Variants in SHPRH observed in about 807,000 individuals in gnomAD.
SHPRH encodes the protein SNF2 histone linker PHD RING helicase.
In SHPRH, 106 loss-of-function variants were observed where a neutral mutation model predicts 202.5. The observed-to-expected ratio is 0.52, with a 90% CI of 0.45 to 0.62. SHPRH has a LOEUF of 0.62. Ranked by LOEUF, SHPRH falls within the 20% of genes least tolerant of loss-of-function variation. The pLI is 0.00. For synonymous variants in SHPRH, 729 were observed against 686.0 expected, an observed-to-expected ratio of 1.06 and a Z score of -0.98; for missense variants, 1,710 against 2,020.0, an observed-to-expected ratio of 0.85 and a Z score of 2.94.
chr6:145,923,513 G>C, intron 18 of SHPRH, 130 bp downstream of exon 18: 1 of 1,123,762 alleles, frequency 8.9e-7, no homozygotes, highest in Non-Finnish European at 1.2e-6. Context: ...AAAGAAGTAT[G>C]AATGTGTCTG....
chr6:145,925,727 C>G (rs895796547), intron 16 of SHPRH, among the ~76,000 whole-genome samples: 13 of 152,030 alleles, frequency 8.6e-5, no homozygotes, highest in African/African-American at 3.1e-4. Context: ...TATAATATCA[C>G]TCTTTTCGAT....
At chr6:145,918,298 G>A in intron 22 of SHPRH, 66 bp from the exon 23 acceptor site, 1 of 1,014,322 alleles carries the variant, frequency 9.9e-7, no homozygotes, top group Non-Finnish European at 1.4e-6. Flanking sequence ...TATTAAATAT[G>A]GACAATTCTC....
chr6:145,927,935 G>A (rs1006896119), intron 14 of SHPRH, among the ~76,000 whole-genome samples: 3 of 151,740 alleles, frequency 2.0e-5, no homozygotes, highest in Non-Finnish European at 2.9e-5. Context: ...AAAAAGTATC[G>A]ATTAAAGCAC....
At chr6:145,878,540 T>G (rs749331349) in intron 2 of SHPRH, among the ~76,000 whole-genome samples, 4 of 152,250 alleles carry the variant, frequency 2.6e-5, no homozygotes, top group Non-Finnish European at 4.4e-5. Context: ...ATGTGCTTAT[T>G]GGTCACTTAC....
At chr6:145,876,412 TATAAAC>T (rs1244538632) in intron 2 of SHPRH, among the ~76,000 whole-genome samples, 5 of 152,196 alleles carry the variant, frequency 3.3e-5, no homozygotes, top group Non-Finnish European at 2.9e-5. Context: ...AGACATTTCT[TATAAAC>T]AGAAATATAC....
chr6:145,888,178 C>T (rs1166727685), intron 28 of SHPRH, 78 bp from the exon 29 acceptor site: 3 of 1,024,872 alleles, frequency 2.9e-6, no homozygotes, highest in African/African-American at 3.2e-5. Context: ...ATTTTATATG[C>T]TATATTCATC....
At chr6:145,933,924 C>A (rs555108777) in intron 13 of SHPRH, among the ~76,000 whole-genome samples, 41 of 152,218 alleles carry the variant, frequency 2.7e-4, no homozygotes, top group Non-Finnish European at 4.6e-4. Context: ...TAATCTAACT[C>A]CCTGATGTGG....
intron 11 of SHPRH, among the ~76,000 whole-genome samples, chr6:145,940,320 A>G (rs1786620535): frequency 6.6e-6 from 1 of 152,050 alleles, no homozygotes. Context: ...ATTTTCATAG[A>G]CACAGTTAAT....
chr6:145,860,926 G>A (rs1009480075), downstream of SHPRH, among the ~76,000 whole-genome samples: 15 of 152,126 alleles, frequency 9.9e-5, no homozygotes, highest in South Asian at 4.1e-4. Flanking sequence ...AAATGGTGTC[G>A]GGAAAATTGA....
At chr6:145,938,140 G>A (rs1029451026) in intron 11 of SHPRH, among the ~76,000 whole-genome samples, 3 of 152,084 alleles carry the variant, frequency 2.0e-5, no homozygotes, top group Non-Finnish European at 2.9e-5. Context: ...AATATTAGGA[G>A]GTGGGGCCTA....
chr6:145,865,121 G>C (rs1779720011), intron 2 of SHPRH, among the ~76,000 whole-genome samples: 1 of 152,236 alleles, frequency 6.6e-6, no homozygotes, highest in South Asian at 2.1e-4. Flanking sequence ...CAGGTACCTG[G>C]CTTAAGCCTG....
At chr6:145,949,438 A>C (rs1485969943) in intron 4 of SHPRH, among the ~76,000 whole-genome samples, 1 of 152,102 alleles carries the variant, frequency 6.6e-6, no homozygotes, top group Non-Finnish European at 1.5e-5. Flanking sequence ...CTTTTGCAGC[A>C]ACTTGCATGA....
At chr6:145,913,895 A>G (rs921624743) in intron 23 of SHPRH, among the ~76,000 whole-genome samples, 42 of 152,138 alleles carry the variant, frequency 2.8e-4, no homozygotes, top group Non-Finnish European at 5.0e-4. Context: ...TTCAGGTAAC[A>G]GATTTTCAGA....
intron 9 of SHPRH, 85 bp downstream of exon 9, chr6:145,943,058 C>G: frequency 6.9e-7 from 1 of 1,451,154 alleles, no homozygotes; most frequent in Non-Finnish European, 9.3e-7. Context: ...TGAGGATAAA[C>G]CACAAAGAAA....
At chr6:145,947,667 C>T (rs1285925755) in intron 5 of SHPRH, 24 bp from the exon 6 acceptor site, 3 of 1,610,702 alleles carry the variant, frequency 1.9e-6, no homozygotes, top group East Asian at 2.2e-5. Context: ...CAAGATAAAT[C>T]ACATCATAGG....
chr6:145,941,573 C>T, intron 10 of SHPRH, 50 bp downstream of exon 10: 1 of 1,602,386 alleles, frequency 6.2e-7, no homozygotes, highest in South Asian at 1.1e-5. Flanking sequence ...CCCCTAATTC[C>T]TTTTCACCCT....
In SHPRH at chr6:145,894,993, C is replaced by T. The variant is rs570676461; in HGVS notation, c.4516-16G>A. The T allele has an allele frequency of 1.4e-5, 23 of 1,603,288 alleles. 1 individual carries two copies. Among genetic ancestry groups the T allele is most frequent in the Middle Eastern group, 3.3e-4 (2 of 6,028 alleles). ...AATGGCTGCCCTTTGAACACACACA[C>T]AAAATACACATTACTACTAAAAAAT... On this transcript the variant is annotated splice_polypyrimidine_tract_variant and intron_variant, in intron 25 of 29. Coordinates refer to ENST00000275233, the MANE Select transcript of SHPRH (RefSeq NM_001042683.3).
chr6:145,940,132 G>C (rs1786587765), intron 11 of SHPRH, among the ~76,000 whole-genome samples: 1 of 152,098 alleles, frequency 6.6e-6, no homozygotes, highest in Admixed American at 6.6e-5. Context: ...TCATTTCAAT[G>C]CACGTGTGGA....
downstream of SHPRH, among the ~76,000 whole-genome samples, chr6:145,861,761 A>G (rs983593693): frequency 6.6e-6 from 1 of 152,184 alleles, no homozygotes; most frequent in Non-Finnish European, 1.5e-5. Context: ...ATACACACCC[A>G]CATACATGGA....
Sources: allele counts gnomAD v4.1 joint callset (sites outside exome capture counted in the v4.1 genomes callset), GRCh38; gene constraint gnomAD v4.1.1; transcripts MANE v1.5; gene names NCBI Gene and HGNC (gene_info 2026-07-23, HGNC 2026-07-21).